Variants in TAX1BP1 observed in about 807,000 individuals in gnomAD.
The protein encoded by TAX1BP1 is tax1-binding protein 1.
Under a neutral mutation model 97.7 loss-of-function variants are expected in TAX1BP1, and 62 were observed. The observed-to-expected ratio is 0.63, with a 90% confidence interval of 0.52 to 0.78. The LOEUF (loss-of-function observed/expected upper bound fraction) is 0.78. TAX1BP1 is among the 30% of genes least tolerant of loss of function. The pLI is 0.00. For synonymous variants in TAX1BP1, 340 were observed against 304.2 expected (o/e 1.12, Z -1.23); for missense variants, 867 against 916.1 (o/e 0.95, Z 0.69).
intron 2 of TAX1BP1, among the ~76,000 whole-genome samples, chr7:27,749,317 T>G (rs1787939049): frequency 6.6e-6 from 1 of 152,174 alleles, no homozygotes. Context: ...CTCTTCAAAA[T>G]GTAGTGGAAA....
intron 5 of TAX1BP1, among the ~76,000 whole-genome samples, chr7:27,779,483 A>AT (rs1789168608): frequency 6.6e-6 from 1 of 152,174 alleles, no homozygotes; most frequent in East Asian, 1.9e-4. Flanking sequence ...TAGTTGCTAC[A>AT]TTTTCTCTTC....
At chr7:27,794,619 G>C (rs532455544) in intron 11 of TAX1BP1, among the ~76,000 whole-genome samples, 173 bp downstream of exon 11, 1 of 152,072 alleles carries the variant, frequency 6.6e-6, no homozygotes, top group Non-Finnish European at 1.5e-5. Context: ...TCATGCAAGT[G>C]GTGAATATAC....
At chr7:27,774,446 A>G (rs1303262962) in intron 5 of TAX1BP1, among the ~76,000 whole-genome samples, 1 of 152,090 alleles carries the variant, frequency 6.6e-6, no homozygotes, top group South Asian at 2.1e-4. Flanking sequence ...CTATATTACA[A>G]TGGCTTATAA....
chr7:27,784,294 T>A (rs1236157319), intron 5 of TAX1BP1, among the ~76,000 whole-genome samples: 1 of 152,188 alleles, frequency 6.6e-6, no homozygotes, highest in Non-Finnish European at 1.5e-5. Flanking sequence ...TAATATAGTT[T>A]TCTATAACAA....
intron 2 of TAX1BP1, 21 bp downstream of exon 2, chr7:27,748,707 T>A: frequency 6.7e-7 from 1 of 1,483,338 alleles, no homozygotes; most frequent in Non-Finnish European, 9.0e-7. Context: ...TTTCTGAATA[T>A]GTTCTCCATG....
chr7:27,745,360 A>G (rs931470004), intron 1 of TAX1BP1, among the ~76,000 whole-genome samples: 8 of 152,212 alleles, frequency 5.3e-5, no homozygotes, highest in Non-Finnish European at 7.3e-5. Flanking sequence ...AAGCTTGCCT[A>G]AGTCTGTTAT....
At chr7:27,774,675 G>GTA (rs1273010934) in intron 5 of TAX1BP1, among the ~76,000 whole-genome samples, 3 of 151,958 alleles carry the variant, frequency 2.0e-5, no homozygotes, top group African/African-American at 4.8e-5. Context: ...GACAGTCCTG[G>GTA]TTTACTATAT....
At chr7:27,806,238 A>G (rs1442376026) in intron 13 of TAX1BP1, among the ~76,000 whole-genome samples, 1 of 152,090 alleles carries the variant, frequency 6.6e-6, no homozygotes, top group East Asian at 1.9e-4. Context: ...GGCTCCCGCC[A>G]CCAAGCCTGG....
chr7:27,821,610 G>A (rs984835132), intron 15 of TAX1BP1, among the ~76,000 whole-genome samples: 3 of 149,548 alleles, frequency 2.0e-5, no homozygotes, highest in South Asian at 4.3e-4. Context: ...ACTCCAGCCC[G>A]GACAACAGAG....
rs1789536215 is a variant in TAX1BP1 at position 27,787,586 on chromosome 7, C to G, written c.1021C>G (p.Leu341Val). The change falls in exon 8 of 17, where the codon CTT becomes GTT. Residue 341 changes from leucine (L) to valine (V), a missense_variant. This residue lies in a region of TAX1BP1 where 822 missense variants were observed against 851.4 expected (regional missense o/e 0.97). Transcript: ENST00000396319. ...EKENLQRTFL[L>V]TTSSKEDTCF... is the part of the protein sequence containing the mutation. ...GGAAAATCTGCAAAGAACTTTCCTG[C>G]TTACAACCTCAAGTAAAGTAAGTAC... 1.9e-6 allele frequency: 3 copies of G among 1,608,262 alleles called. No homozygotes were observed. Among genetic ancestry groups the G allele is most frequent in the South Asian group, 2.2e-5 (2 of 89,696 alleles).
intron 10 of TAX1BP1, 53 bp from the exon 11 acceptor site, chr7:27,794,270 G>T: frequency 6.9e-7 from 1 of 1,451,614 alleles, no homozygotes; most frequent in South Asian, 1.3e-5. Context: ...CTGCAAGGAG[G>T]AAATATAACT....
chr7:27,799,772 A>G (rs1790062935), intron 12 of TAX1BP1, among the ~76,000 whole-genome samples, 193 bp from the exon 13 acceptor site: 1 of 152,132 alleles, frequency 6.6e-6, no homozygotes, highest in Non-Finnish European at 1.5e-5. Flanking sequence ...ATTTAAAAAT[A>G]TATATACTAT....
chr7:27,788,422 T>C (rs1217924050), intron 8 of TAX1BP1, among the ~76,000 whole-genome samples: 1 of 152,064 alleles, frequency 6.6e-6, no homozygotes, highest in Admixed American at 6.5e-5. Context: ...CAGCCTTTCC[T>C]CAATGTTTTT....
At chr7:27,801,333 A>T (rs1790131453) in intron 13 of TAX1BP1, among the ~76,000 whole-genome samples, 1 of 151,490 alleles carries the variant, frequency 6.6e-6, no homozygotes, top group Admixed American at 6.6e-5. Flanking sequence ...AGTTAGAATT[A>T]CTTTAGTTTT....
chr7:27,744,216 C>T (rs1431443690), intron 1 of TAX1BP1, among the ~76,000 whole-genome samples: 1 of 152,228 alleles, frequency 6.6e-6, no homozygotes, highest in Non-Finnish European at 1.5e-5. Flanking sequence ...GCTCCGCCCC[C>T]CAGGGTTCAC....
intron 11 of TAX1BP1, 31 bp downstream of exon 11, chr7:27,794,477 T>G: frequency 6.4e-7 from 1 of 1,558,638 alleles, no homozygotes; most frequent in Non-Finnish European, 8.7e-7. Flanking sequence ...TTGTGTAGGG[T>G]GTCCTACATT....
intron 5 of TAX1BP1, among the ~76,000 whole-genome samples, chr7:27,771,000 CT>C (rs1788822947): frequency 6.8e-6 from 1 of 147,512 alleles, no homozygotes; most frequent in African/African-American, 2.5e-5. Context: ...TAAGGAACTA[CT>C]TTTTTCATTT....
Position 27,748,620 on chromosome 7 carries a change from G to A in TAX1BP1, c.96G>A (p.Leu32=). The A allele has an allele frequency of 6.2e-7, 1 of 1,602,596 alleles. No individual in the cohort carries two copies. The highest frequency in any genetic ancestry group is 8.5e-7 in the Non-Finnish European group (1 of 1,173,594). ...AGAGTTACCTTCCTAATGCACACCT[G>A]GAATGTCATTACACCTTAACTCCAT... is the stretch of plus-strand genomic sequence containing the variant. ...VAKSYLPNAH[L]ECHYTLTPYI... The change falls in exon 2 of 17, where the codon CTG becomes CTA. Residue 32 remains leucine (L), a synonymous_variant. Coordinates refer to ENST00000396319, the MANE Select transcript of TAX1BP1 (RefSeq NM_006024.7).
At chr7:27,779,366 C>T (rs1286912125) in intron 5 of TAX1BP1, among the ~76,000 whole-genome samples, 1 of 152,160 alleles carries the variant, frequency 6.6e-6, no homozygotes, top group African/African-American at 2.4e-5. Context: ...TTGAGATCCT[C>T]TACCATATGT....
Sources: allele counts gnomAD v4.1 joint callset (sites outside exome capture counted in the v4.1 genomes callset), GRCh38; gene constraint gnomAD v4.1.1; regional missense constraint gnomAD v4.1.1; transcripts MANE v1.5; gene names NCBI Gene and HGNC (gene_info 2026-07-23, HGNC 2026-07-21).